RGS7: variants seen among roughly 807,000 people sequenced by gnomAD.
The protein encoded by RGS7 is regulator of G protein signaling 7.
In RGS7, 27 loss-of-function variants were observed where a neutral mutation model predicts 81.1. That is an observed-to-expected ratio of 0.33 (90% CI 0.25 to 0.46). The LOEUF (loss-of-function observed/expected upper bound fraction) is 0.46. Ranked by LOEUF, RGS7 falls within the 20% of genes least tolerant of loss-of-function variation. The probability of loss-of-function intolerance (pLI) is 1.00; values close to 1 mark genes in which losing one functional copy is unlikely to be tolerated. For synonymous variants in RGS7, 208 were observed against 207.7 expected (o/e 1.00, Z -0.01); for missense variants, 396 against 607.4 (o/e 0.65, Z 3.66).
chr1:241,288,304 G>A (rs755953161), intron 2 of RGS7, among the ~76,000 whole-genome samples: 10 of 152,224 alleles, frequency 6.6e-5, no homozygotes, highest in Non-Finnish European at 1.3e-4. Flanking sequence ...AGATCACGTG[G>A]CTTGTGATGA....
intron 2 of RGS7, among the ~76,000 whole-genome samples, chr1:241,278,849 A>T (rs12134813): frequency 0.14 from 20,992 of 152,242 alleles, 1,829 homozygotes; most frequent in Middle Eastern, 0.19. Context: ...AGACACTGAC[A>T]TTTAGGATGG....
At chr1:241,113,565 G>C (rs1286720176) in intron 2 of RGS7, among the ~76,000 whole-genome samples, 2 of 152,170 alleles carry the variant, frequency 1.3e-5, no homozygotes, top group African/African-American at 2.4e-5. Context: ...AACTGCACCT[G>C]CTCCCTTAAC....
intron 18 of RGS7, among the ~76,000 whole-genome samples, chr1:240,799,547 C>T (rs1327079524): frequency 6.6e-6 from 1 of 151,930 alleles, no homozygotes. Flanking sequence ...CATTGGGTAC[C>T]TTTGAGATCA....
intron 3 of RGS7, among the ~76,000 whole-genome samples, chr1:241,059,603 T>A (rs998868656): frequency 1.3e-5 from 2 of 152,104 alleles, no homozygotes; most frequent in African/African-American, 4.8e-5. Context: ...ATGAACTATA[T>A]GTTTGGCTAT....
chr1:240,851,756 T>C (rs1660140217), intron 9 of RGS7, among the ~76,000 whole-genome samples: 1 of 152,040 alleles, frequency 6.6e-6, no homozygotes, highest in Admixed American at 6.6e-5. Flanking sequence ...TTAGGGATGA[T>C]TAAGGGATTC....
chr1:241,217,646 AGT>A (rs2074650698), intron 2 of RGS7, among the ~76,000 whole-genome samples: 1 of 152,188 alleles, frequency 6.6e-6, no homozygotes, highest in Non-Finnish European at 1.5e-5. Flanking sequence ...TACCTTTTCA[AGT>A]GGCTCACTGG....
At chr1:241,139,280 A>G (rs2067752155) in intron 2 of RGS7, among the ~76,000 whole-genome samples, 1 of 129,614 alleles carries the variant, frequency 7.7e-6, no homozygotes, top group Non-Finnish European at 1.6e-5. Flanking sequence ...TTTCCTCCCC[A>G]TCTTTCCTTC....
intron 9 of RGS7, among the ~76,000 whole-genome samples, chr1:240,853,221 T>C (rs1166562772): frequency 1.3e-5 from 2 of 152,218 alleles, no homozygotes; most frequent in Non-Finnish European, 2.9e-5. Flanking sequence ...ATGTATCAGT[T>C]GCAATCACTT....
At chr1:240,836,772 C>T (rs1344553839) in intron 9 of RGS7, among the ~76,000 whole-genome samples, 1 of 152,216 alleles carries the variant, frequency 6.6e-6, no homozygotes, top group Non-Finnish European at 1.5e-5. Context: ...TGCATTATCA[C>T]TGGTGGTATG....
In RGS7 at chr1:240,936,578, A is replaced by G. The variant is rs772663910; in HGVS notation, c.333+22T>C. ...ATGCGGGCTTCTAGTTTACTGTTAAAGAACATTTCTAATAAACTTACTTGA... is the reference window on the plus strand; with the variant it reads ...ATGCGGGCTTCTAGTTTACTGTTAAGGAACATTTCTAATAAACTTACTTGA... On this transcript the variant is annotated intron_variant, in intron 5 of 18. Transcript: ENST00000440928. The G allele has an allele frequency of 5.8e-6, 9 of 1,564,854 alleles. No homozygotes were observed. In the South Asian group the frequency reaches 8.9e-5, roughly 15 times the overall value.
intron 2 of RGS7, among the ~76,000 whole-genome samples, chr1:241,161,835 A>G (rs968813680): frequency 3.3e-5 from 5 of 150,792 alleles, no homozygotes; most frequent in African/African-American, 9.8e-5. Flanking sequence ...CTCCTGCCTC[A>G]GCCACCCGAG....
At chr1:241,287,620 C>T (rs1034638860) in intron 2 of RGS7, among the ~76,000 whole-genome samples, 9 of 152,032 alleles carry the variant, frequency 5.9e-5, no homozygotes, top group Non-Finnish European at 1.0e-4. Flanking sequence ...CTACTTTTCC[C>T]GGTTTTATTT....
chr1:241,229,744 C>A (rs533276013), intron 2 of RGS7, among the ~76,000 whole-genome samples: 1 of 152,258 alleles, frequency 6.6e-6, no homozygotes, highest in Non-Finnish European at 1.5e-5. Context: ...TCGGCCACAC[C>A]GTCAGGGGAG....
At chr1:240,882,553 G>A (rs1430793048) in intron 6 of RGS7, among the ~76,000 whole-genome samples, 1 of 152,078 alleles carries the variant, frequency 6.6e-6, no homozygotes, top group Non-Finnish European at 1.5e-5. Flanking sequence ...TCGGCAAGTC[G>A]GGGGTTCTTG....
chr1:241,339,846 C>G (rs1283935163), intron 2 of RGS7, among the ~76,000 whole-genome samples: 1 of 152,206 alleles, frequency 6.6e-6, no homozygotes, highest in South Asian at 2.1e-4. Flanking sequence ...GAGCTATAAT[C>G]TTTATTCTGA....
chr1:240,856,364 T>A (rs923746344), intron 9 of RGS7, among the ~76,000 whole-genome samples: 6 of 152,174 alleles, frequency 3.9e-5, no homozygotes, highest in Non-Finnish European at 8.8e-5. Context: ...GGACTCTGAG[T>A]ATCTCAGTCA....
chr1:241,333,658 G>A (rs2082088289), intron 2 of RGS7, among the ~76,000 whole-genome samples: 1 of 152,042 alleles, frequency 6.6e-6, no homozygotes, highest in South Asian at 2.1e-4. Flanking sequence ...ACACATAATG[G>A]TCATGGTTTG....
intron 2 of RGS7, among the ~76,000 whole-genome samples, chr1:241,134,575 A>C (rs528132367): frequency 1.3e-5 from 2 of 152,358 alleles, no homozygotes; most frequent in Admixed American, 1.3e-4. Context: ...AATGGATATT[A>C]GATGACTATC....
In RGS7 at chr1:240,919,581, T is replaced by TA. The variant is rs112055573; in HGVS notation, c.385+11135dup. 451 of 229,388 alleles carry TA rather than the reference T, an allele frequency of 2.0e-3. 1 individual carries two copies. The highest frequency in any genetic ancestry group is 5.8e-3 in the African/African-American group (251 of 43,020). The allele number at this position is 229,388 out of a possible 1,614,324, so 14.2% of individuals were successfully genotyped here. Reference sequence around the variant, plus strand: ...ATATAGAGGAATGCTCCCAACTTGATAAAAAAAAATGCCTACAAAAAACCT... The same window carrying TA: ...ATATAGAGGAATGCTCCCAACTTGATAAAAAAAAAATGCCTACAAAAAACCT... On this transcript the variant is annotated intron_variant, in intron 6 of 18. Transcript: ENST00000440928.
Sources: gnomAD v4.1 joint callset for allele counts (sites outside exome capture counted in the v4.1 genomes callset) on GRCh38, gnomAD v4.1.1 for gene constraint, MANE v1.5 for transcripts, NCBI Gene and HGNC (gene_info 2026-07-23, HGNC 2026-07-21) for gene names.